The following DLG2 variants were observed in gnomAD, a reference collection of about 807,000 sequenced individuals.
DLG2 encodes the protein disks large homolog 2.
In DLG2, 45 loss-of-function variants were observed where a neutral mutation model predicts 132.5. The observed-to-expected ratio is 0.34, with a 90% CI of 0.27 to 0.44. DLG2 has a LOEUF of 0.44. DLG2 is among the 20% of genes least tolerant of loss of function. The pLI, the probability that DLG2 is intolerant of heterozygous loss-of-function variation, is 1.00. For missense variants in DLG2, 1,045 were observed against 1,196.9 expected, an observed-to-expected ratio of 0.87 and a Z score of 1.87; for synonymous variants, 424 against 419.6, an observed-to-expected ratio of 1.01 and a Z score of -0.13.
intron 18 of DLG2, among the ~76,000 whole-genome samples, chr11:83,676,828 C>T (rs542404754): frequency 8.5e-5 from 13 of 152,246 alleles, no homozygotes; most frequent in South Asian, 8.3e-4. Context: ...GCCCATTTAT[C>T]CATGTCCCTT....
chr11:84,637,056 G>A (rs1176755960), intron 6 of DLG2, among the ~76,000 whole-genome samples: 1 of 152,018 alleles, frequency 6.6e-6, no homozygotes, highest in Non-Finnish European at 1.5e-5. Flanking sequence ...CCAGAGTGCT[G>A]GGATTATAGG....
At chr11:84,787,002 C>T (rs183230102) in intron 6 of DLG2, among the ~76,000 whole-genome samples, 1 of 152,048 alleles carries the variant, frequency 6.6e-6, no homozygotes, top group African/African-American at 2.4e-5. Flanking sequence ...ATCTAGGAAC[C>T]CAAACCAATC....
intron 6 of DLG2, among the ~76,000 whole-genome samples, chr11:85,011,408 T>C (rs2059137785): frequency 6.6e-6 from 1 of 152,182 alleles, no homozygotes; most frequent in African/African-American, 2.4e-5. Flanking sequence ...TCATTGGCAC[T>C]ACATAGAAAT....
chr11:84,060,921 G>C (rs7924835), intron 10 of DLG2, among the ~76,000 whole-genome samples: 120,626 of 151,810 alleles, frequency 0.79, 49,152 homozygotes, highest in Middle Eastern at 0.92. Flanking sequence ...TCATCTCTCA[G>C]GTGAACCACC....
At chr11:85,149,222 G>A (rs965339081) in intron 5 of DLG2, among the ~76,000 whole-genome samples, 3 of 152,072 alleles carry the variant, frequency 2.0e-5, no homozygotes, top group Admixed American at 2.0e-4. Context: ...GGATTGTCTT[G>A]GCTATATGGG....
intron 6 of DLG2, among the ~76,000 whole-genome samples, chr11:84,658,555 T>A (rs2154547622): frequency 6.6e-6 from 1 of 152,272 alleles, no homozygotes; most frequent in East Asian, 1.9e-4. Context: ...TAGGGTCTGG[T>A]GGGAGGTGTT....
intron 2 of DLG2, among the ~76,000 whole-genome samples, chr11:85,612,355 G>T (rs1239644134): frequency 6.6e-6 from 1 of 152,204 alleles, no homozygotes; most frequent in East Asian, 1.9e-4. Context: ...CTCCCTTCAG[G>T]ACAGGATGAT....
At chr11:83,480,661 A>G in intron 22 of DLG2, 2 of 1,537,358 alleles carry the variant, frequency 1.3e-6, no homozygotes, top group Non-Finnish European at 1.8e-6. Context: ...TTTAATTACA[A>G]AAAATGCATA....
chr11:84,622,728 T>C (rs1169533120), intron 6 of DLG2, among the ~76,000 whole-genome samples: 1 of 152,092 alleles, frequency 6.6e-6, no homozygotes, highest in East Asian at 1.9e-4. Context: ...ACATTAGACA[T>C]GGTCAAAGAA....
At position 83,747,453 on chromosome 11, in the gene DLG2, C is replaced by T. The variant is rs568627010; in HGVS notation, c.1825+39237G>A. Among the ~76,000 whole-genome samples the T allele has an allele frequency of 2.3e-3, 350 of 151,986 alleles. 1 individual carries two copies. The highest frequency in any genetic ancestry group is 7.9e-3 in the African/African-American group (329 of 41,422). ...TGGTACAATTCTGGCTCACTGCAAC[C>T]GCCTCCCAGGCTCAAGCCATCCTCC... On this transcript the variant is annotated intron_variant, in intron 18 of 27. Transcript: ENST00000376104.
chr11:84,328,265 G>C lies in DLG2; in HGVS notation c.520-76974C>G, dbSNP rs1455807896. 2.0e-5 allele frequency among the ~76,000 whole-genome samples: 3 copies of C among 151,736 alleles called. No individual in the cohort carries two copies. In the East Asian group the frequency reaches 5.8e-4, roughly 29 times the overall value. Reference sequence around the variant, plus strand: ...GGGGAAGTGAAGAGGAAAAAAAGGAGGAAGGAAGGAAGTTGGAAGGAAGCT... The same window carrying C: ...GGGGAAGTGAAGAGGAAAAAAAGGACGAAGGAAGGAAGTTGGAAGGAAGCT... On this transcript the variant is annotated intron_variant, in intron 7 of 27. Transcript: ENST00000376104.
At chr11:85,530,140 G>A (rs1022882340) in intron 3 of DLG2, among the ~76,000 whole-genome samples, 10 of 151,272 alleles carry the variant, frequency 6.6e-5, no homozygotes, top group Non-Finnish European at 1.2e-4. Flanking sequence ...GGAATTACAG[G>A]CATACACCAC....
At chr11:85,422,427 C>T (rs2152996988) in intron 3 of DLG2, among the ~76,000 whole-genome samples, 1 of 152,056 alleles carries the variant, frequency 6.6e-6, no homozygotes, top group Middle Eastern at 3.4e-3. Flanking sequence ...ATTTGAAGAC[C>T]TTGTCTTCAA....
chr11:84,663,064 G>C (rs925109769), intron 6 of DLG2, among the ~76,000 whole-genome samples: 2 of 151,762 alleles, frequency 1.3e-5, no homozygotes, highest in African/African-American at 4.8e-5. Context: ...GTTTATTACC[G>C]GAAAATACAT....
chr11:84,704,858 TATAC>T (rs2059614329), intron 6 of DLG2, among the ~76,000 whole-genome samples: 1 of 149,652 alleles, frequency 6.7e-6, no homozygotes. Context: ...CATATATATA[TATAC>T]ACACACACAC....
chr11:83,807,868 C>T (rs1029380060), intron 17 of DLG2, among the ~76,000 whole-genome samples: 6 of 152,082 alleles, frequency 3.9e-5, no homozygotes, highest in African/African-American at 7.2e-5. Flanking sequence ...ATAAGAGATA[C>T]GGTCTGTGTG....
chr11:84,649,605 G>T (rs1024799018), intron 6 of DLG2, among the ~76,000 whole-genome samples: 1 of 152,208 alleles, frequency 6.6e-6, no homozygotes, highest in Non-Finnish European at 1.5e-5. Context: ...GGAAAATCAA[G>T]GTACTGCATT....
chr11:85,039,230 C>T (rs571669476), intron 6 of DLG2, among the ~76,000 whole-genome samples: 3 of 152,002 alleles, frequency 2.0e-5, no homozygotes, highest in African/African-American at 7.2e-5. Context: ...CCTACTCCCC[C>T]TCCAACTTTA....
chr11:85,338,434 C>A (rs1248779850), intron 3 of DLG2, among the ~76,000 whole-genome samples: 1 of 152,284 alleles, frequency 6.6e-6, no homozygotes, highest in East Asian at 1.9e-4. Flanking sequence ...TTCCCATCCA[C>A]TGCAGTGTGG....
Sources: gnomAD v4.1 joint callset for allele counts (sites outside exome capture counted in the v4.1 genomes callset) on GRCh38, gnomAD v4.1.1 for gene constraint, MANE v1.5 for transcripts, NCBI Gene and HGNC (gene_info 2026-07-23, HGNC 2026-07-21) for gene names.